Variants in IL1R1 observed in about 807,000 individuals in gnomAD.
The protein encoded by IL1R1 is interleukin 1 receptor type 1.
IL1R1 carries 22 observed loss-of-function variants against 50.2 expected under a neutral mutation model. The ratio of observed to expected loss-of-function variants is 0.44; its 90% confidence interval spans 0.31 to 0.63. The LOEUF is 0.63. IL1R1 is among the 20% of genes least tolerant of loss of function. The pLI is 0.07. For missense variants in IL1R1, 509 were observed against 676.2 expected, an observed-to-expected ratio of 0.75 and a Z score of 2.74; for synonymous variants, 251 against 236.7, an observed-to-expected ratio of 1.06 and a Z score of -0.55.
rs1275625527 is a variant in IL1R1, at chr2:102,142,868, C to A, written c.-236C>A. On this transcript the variant is annotated 5_prime_UTR_variant, in exon 1 of 12. Transcript: ENST00000410023. ...CCGGGCGGTGGGGGCGCCGGCCTGC[C>A]CCGCGCGCCCCAGGGAGCGGCAGGA... is the stretch of plus-strand genomic sequence containing the variant. The A allele has an allele frequency of 1.3e-5, 2 of 150,342 alleles. No homozygotes were observed. The highest frequency in any genetic ancestry group is 3.9e-4 in the East Asian group (2 of 5,098). 9.3% of individuals were successfully genotyped at this position (150,342 alleles called of 1,614,324 possible). A position where few individuals can be genotyped will look rare whatever the true frequency, so the allele number is the denominator to read the frequency against.
At chr2:102,091,812 T>C (rs185547660) in intron 1 of IL1R1, among the ~76,000 whole-genome samples, 1 of 152,220 alleles carries the variant, frequency 6.6e-6, no homozygotes, top group African/African-American at 2.4e-5. Context: ...CTACTATCTA[T>C]TATTCTTCTC....
intron 1 of IL1R1, among the ~76,000 whole-genome samples, chr2:102,150,127 GT>G (rs1443773420): frequency 1.3e-5 from 2 of 152,200 alleles, no homozygotes; most frequent in Non-Finnish European, 2.9e-5. Flanking sequence ...GTGGAGGAAC[GT>G]TGTGGGAAAT....
chr2:102,107,038 G>A (rs940964210), intron 1 of IL1R1, among the ~76,000 whole-genome samples: 1 of 152,006 alleles, frequency 6.6e-6, no homozygotes, highest in Non-Finnish European at 1.5e-5. Flanking sequence ...AAAGGGCATG[G>A]GCATTTTAAA....
At position 102,145,956 on chromosome 2, in the gene IL1R1, C is replaced by T. The variant is rs573305719; in HGVS notation, c.-84+2936C>T. ...TGCAGGGCACAGCCAGCAGTGTCTT[C>T]AAGATGAAAGCAAAGTGCTCAGGAA... On this transcript the variant is annotated intron_variant, in intron 1 of 11. Coordinates refer to ENST00000410023, the MANE Select transcript of IL1R1 (RefSeq NM_000877.4). Among the ~76,000 whole-genome samples the T allele has an allele frequency of 8.1e-5, 12 of 148,412 alleles. 1 individual carries two copies. Among genetic ancestry groups the T allele is most frequent in the South Asian group, 6.5e-4 (3 of 4,612 alleles).
chr2:102,124,968 A>G (rs1009220332), intron 1 of IL1R1, among the ~76,000 whole-genome samples: 1 of 152,202 alleles, frequency 6.6e-6, no homozygotes. Flanking sequence ...TCACGAGAAC[A>G]GCATGGGGGA....
intron 1 of IL1R1, among the ~76,000 whole-genome samples, chr2:102,070,852 C>T (rs1477221345): frequency 6.6e-6 from 1 of 152,092 alleles, no homozygotes; most frequent in African/African-American, 2.4e-5. Context: ...TATACCATGG[C>T]TGTCTTTATT....
At chr2:102,119,942 C>T (rs1681314006) in intron 1 of IL1R1, among the ~76,000 whole-genome samples, 1 of 152,074 alleles carries the variant, frequency 6.6e-6, no homozygotes, top group South Asian at 2.1e-4. Flanking sequence ...ATTTTGATAC[C>T]ATTTCCCCCT....
intron 1 of IL1R1, among the ~76,000 whole-genome samples, chr2:102,150,542 G>T (rs1683558666): frequency 6.6e-6 from 1 of 152,192 alleles, no homozygotes; most frequent in Admixed American, 6.5e-5. Context: ...TGTTGCACGT[G>T]CTGCTGTAGT....
chr2:102,075,782 A>C (rs917908344), intron 1 of IL1R1, among the ~76,000 whole-genome samples: 4 of 152,240 alleles, frequency 2.6e-5, no homozygotes, highest in African/African-American at 4.8e-5. Flanking sequence ...TTAAAGACAG[A>C]AGATTTCACT....
chr2:102,167,396 C>T (rs1160037897), intron 6 of IL1R1, among the ~76,000 whole-genome samples: 1 of 148,098 alleles, frequency 6.8e-6, no homozygotes, highest in Non-Finnish European at 1.5e-5. Flanking sequence ...GCAAGTAGAA[C>T]TTGAGAGAGA....
At chr2:102,112,644 AG>A (rs1214472570) in intron 1 of IL1R1, among the ~76,000 whole-genome samples, 1 of 152,204 alleles carries the variant, frequency 6.6e-6, no homozygotes, top group Non-Finnish European at 1.5e-5. Flanking sequence ...AGGAAGCAAA[AG>A]GTGTGTTTAC....
In IL1R1 at chr2:102,134,739, T is replaced by A. The variant is rs538152949; in HGVS notation, c.-83-19202T>A. Among the ~76,000 whole-genome samples the A allele has an allele frequency of 2.6e-5, 4 of 152,330 alleles. No individual in the cohort carries two copies. The South Asian group carries it at 8.3e-4, about 32-fold the overall frequency. ...GAAAAAGCAATCAATACTTTCTCAA[T>A]CACCATGTTCTTCCTGAGGGTCTCT... On this transcript the variant is annotated intron_variant, in intron 1 of 10. Coordinates refer to the IL1R1 transcript ENST00000409329.
chr2:102,144,903 C>G (rs995446224), intron 1 of IL1R1, among the ~76,000 whole-genome samples: 1 of 152,044 alleles, frequency 6.6e-6, no homozygotes, highest in African/African-American at 2.4e-5. Context: ...ATGTGGAGCT[C>G]TAGGAGGTGG....
chr2:102,177,459 C>T lies in IL1R1; in HGVS notation c.*700C>T, dbSNP rs202222354. The T allele has an allele frequency of 1.3e-5, 2 of 154,588 alleles. No homozygotes were observed. Among genetic ancestry groups the T allele is most frequent in the Non-Finnish European group, 2.9e-5 (2 of 68,290 alleles). The allele number at this position is 154,588 out of a possible 1,614,324, so 9.6% of individuals were successfully genotyped here. ...GAGTCACTGACCCTGGAGCGGCTCT[C>T]CTGAGAGGTGCTGCAGGCAAAGTGA... On this transcript the variant is annotated 3_prime_UTR_variant, in exon 12 of 12. Coordinates refer to ENST00000410023, the MANE Select transcript of IL1R1 (RefSeq NM_000877.4).
chr2:102,118,031 T>A (rs1354198117), intron 1 of IL1R1, among the ~76,000 whole-genome samples: 1 of 151,990 alleles, frequency 6.6e-6, no homozygotes, highest in Non-Finnish European at 1.5e-5. Context: ...TGGCCCTGAT[T>A]CCCAGCACAG....
At chr2:102,162,296 G>A (rs1300503317) in intron 3 of IL1R1, among the ~76,000 whole-genome samples, 1 of 151,970 alleles carries the variant, frequency 6.6e-6, no homozygotes, top group East Asian at 1.9e-4. Flanking sequence ...CTGTATGTAG[G>A]TGTATGTGTT....
intron 3 of IL1R1, among the ~76,000 whole-genome samples, chr2:102,160,494 G>A (rs1239537061): frequency 2.0e-5 from 3 of 151,864 alleles, no homozygotes; most frequent in Non-Finnish European, 4.4e-5. Context: ...TCATATCTAG[G>A]GAGAGACTGC....
At chr2:102,092,819 T>G (rs1334593902) in intron 1 of IL1R1, among the ~76,000 whole-genome samples, 1 of 151,962 alleles carries the variant, frequency 6.6e-6, no homozygotes, top group Non-Finnish European at 1.5e-5. Flanking sequence ...GCTTTTCCGC[T>G]CTCTAGTTCC....
At chr2:102,174,564 CT>C (rs3917315) in intron 9 of IL1R1, 22 bp from the exon 10 acceptor site, 163 of 1,488,940 alleles carry the variant, frequency 1.1e-4, no homozygotes, top group Admixed American at 2.8e-4. Context: ...ATTTTTTCTC[CT>C]TTTTTTTTCT....
Sources: allele counts gnomAD v4.1 joint callset (sites outside exome capture counted in the v4.1 genomes callset), GRCh38; gene constraint gnomAD v4.1.1; transcripts MANE v1.5; gene names NCBI Gene and HGNC (gene_info 2026-07-23, HGNC 2026-07-21).